GABRG3: variants seen among roughly 807,000 people sequenced by gnomAD.
The protein encoded by GABRG3 is gamma-aminobutyric acid type A receptor subunit gamma3, also known as gamma-aminobutyric acid receptor subunit gamma-3.
GABRG3 carries 25 observed loss-of-function variants against 48.8 expected under a neutral mutation model. The observed-to-expected ratio is 0.51, with a 90% CI of 0.37 to 0.72. GABRG3 has a LOEUF of 0.72. Ranked by LOEUF, GABRG3 falls within the 30% of genes least tolerant of loss-of-function variation. The pLI, the probability that GABRG3 is intolerant of heterozygous loss-of-function variation, is 0.00. For missense variants in GABRG3, 394 were observed against 577.9 expected (o/e 0.68, Z 3.26); for synonymous variants, 227 against 217.6 (o/e 1.04, Z -0.38).
At chr15:27,399,546 T>C in intron 5 of GABRG3, among the ~76,000 whole-genome samples, 1 of 152,190 alleles carries the variant, frequency 6.6e-6, no homozygotes, top group East Asian at 1.9e-4. Flanking sequence ...AATTAATATA[T>C]CAAAAGGCAC....
At chr15:27,216,752 T>A (rs1889265283) in intron 3 of GABRG3, among the ~76,000 whole-genome samples, 2 of 113,398 alleles carry the variant, frequency 1.8e-5, no homozygotes, top group South Asian at 6.4e-4. Flanking sequence ...TTTTTATTTT[T>A]TATTTATTTA....
At chr15:27,466,281 C>T (rs1442366160) in intron 5 of GABRG3, among the ~76,000 whole-genome samples, 1 of 152,190 alleles carries the variant, frequency 6.6e-6, no homozygotes, top group African/African-American at 2.4e-5. Context: ...TCTCTAGAGC[C>T]TCCTACCCCC....
chr15:27,067,868 A>G (rs976250549), intron 3 of GABRG3, among the ~76,000 whole-genome samples: 2 of 152,188 alleles, frequency 1.3e-5, no homozygotes, highest in African/African-American at 4.8e-5. Context: ...TAACAGCTTT[A>G]TGCCTGGATC....
chr15:27,069,289 A>T (rs1317548062), intron 3 of GABRG3, among the ~76,000 whole-genome samples: 2 of 152,192 alleles, frequency 1.3e-5, no homozygotes, highest in East Asian at 3.9e-4. Flanking sequence ...CTTGTTCTAG[A>T]CATTCATGGC....
chr15:27,436,470 T>G (rs753793587), intron 5 of GABRG3, among the ~76,000 whole-genome samples: 1 of 152,228 alleles, frequency 6.6e-6, no homozygotes, highest in Non-Finnish European at 1.5e-5. Flanking sequence ...GCACATTCAC[T>G]TTTGGCTTCA....
At chr15:27,149,654 T>C (rs2140395575) in intron 3 of GABRG3, among the ~76,000 whole-genome samples, 1 of 152,326 alleles carries the variant, frequency 6.6e-6, no homozygotes, top group South Asian at 2.1e-4. Context: ...ATAAATGGAA[T>C]AGAATTGAAC....
intron 5 of GABRG3, among the ~76,000 whole-genome samples, chr15:27,442,190 G>A (rs1888808187): frequency 6.6e-6 from 1 of 152,134 alleles, no homozygotes; most frequent in Non-Finnish European, 1.5e-5. Context: ...CACAGGTGAT[G>A]CACCAAGCCG....
intron 5 of GABRG3, among the ~76,000 whole-genome samples, chr15:27,452,228 A>C (rs1232141876): frequency 6.6e-6 from 1 of 152,230 alleles, no homozygotes; most frequent in African/African-American, 2.4e-5. Context: ...GGCAAAAGAT[A>C]ACAAGTGTTG....
chr15:27,264,391 A>G (rs1379071703), intron 3 of GABRG3, among the ~76,000 whole-genome samples: 1 of 152,140 alleles, frequency 6.6e-6, no homozygotes, highest in Non-Finnish European at 1.5e-5. Flanking sequence ...ATATTAGTTT[A>G]TCCCCTTATA....
intron 5 of GABRG3, among the ~76,000 whole-genome samples, chr15:27,452,191 G>T (rs1044940522): frequency 6.6e-6 from 1 of 152,138 alleles, no homozygotes. Context: ...ATCACCTCAC[G>T]CCTGTTAGAA....
intron 6 of GABRG3, among the ~76,000 whole-genome samples, chr15:27,487,837 T>C (rs1179970300): frequency 1.3e-5 from 2 of 152,218 alleles, no homozygotes; most frequent in African/African-American, 2.4e-5. Context: ...CTCTGGAATA[T>C]CGCCATGCTG....
At chr15:27,461,116 G>C (rs946882459) in intron 5 of GABRG3, among the ~76,000 whole-genome samples, 4 of 152,018 alleles carry the variant, frequency 2.6e-5, no homozygotes, top group Admixed American at 1.3e-4. Context: ...ACCACTCAGG[G>C]TCCCGCAGTT....
chr15:27,530,134 G>T (rs2150865967), intron 9 of GABRG3, among the ~76,000 whole-genome samples: 1 of 152,290 alleles, frequency 6.6e-6, no homozygotes, highest in East Asian at 1.9e-4. Context: ...TGAGTAATGA[G>T]GGACAGGGGC....
chr15:27,027,887 G>C (rs1416479542), intron 3 of GABRG3, among the ~76,000 whole-genome samples: 1 of 152,158 alleles, frequency 6.6e-6, no homozygotes, highest in Non-Finnish European at 1.5e-5. Context: ...TTCTTGTTCT[G>C]GAGTTTTATT....
At chr15:27,251,948 C>T (rs945544346) in intron 3 of GABRG3, among the ~76,000 whole-genome samples, 1 of 152,178 alleles carries the variant, frequency 6.6e-6, no homozygotes, top group Non-Finnish European at 1.5e-5. Flanking sequence ...CAGTAAGAGC[C>T]CTGTGAGCCT....
rs78875340 is a variant in GABRG3 at position 27,302,299 on chromosome 15, A to T, written c.271-24510A>T. 6.1e-3 allele frequency among the ~76,000 whole-genome samples: 932 copies of T among 152,226 alleles called. 30 individuals carry two copies. In the East Asian group the frequency reaches 0.093, roughly 15 times the overall value. On this transcript the variant is annotated intron_variant, in intron 3 of 9. Coordinates refer to ENST00000615808, the MANE Select transcript of GABRG3 (RefSeq NM_033223.5). ...ATAAGATATTAGCTATACATTCCAA[A>T]TGAAGTGGCAGAATACTCAGTCTAA...
chr15:27,253,324 AG>A (rs1279955703), intron 3 of GABRG3, among the ~76,000 whole-genome samples: 1 of 152,148 alleles, frequency 6.6e-6, no homozygotes, highest in African/African-American at 2.4e-5. Flanking sequence ...GGATGCTGGG[AG>A]GGGCCTGAGG....
At chr15:27,509,641 C>T (rs967187708) in intron 6 of GABRG3, among the ~76,000 whole-genome samples, 8 of 152,174 alleles carry the variant, frequency 5.3e-5, no homozygotes, top group Admixed American at 3.9e-4. Context: ...CTATCAAAAG[C>T]ATGCTTAACC....
At chr15:27,303,774 A>T (rs1399452688) in intron 3 of GABRG3, among the ~76,000 whole-genome samples, 1 of 151,346 alleles carries the variant, frequency 6.6e-6, no homozygotes, top group Non-Finnish European at 1.5e-5. Context: ...ATACACACAC[A>T]TCTATGTATA....
Sources: gnomAD v4.1 joint callset for allele counts (sites outside exome capture counted in the v4.1 genomes callset) on GRCh38, gnomAD v4.1.1 for gene constraint, MANE v1.5 for transcripts, NCBI Gene and HGNC (gene_info 2026-07-23, HGNC 2026-07-21) for gene names.